RAB7B: variants seen among roughly 807,000 people sequenced by gnomAD.
RAB7B encodes RAB7B, member RAS oncogene family.
At chr1:206,001,946 A>G (rs1660899544) in intron 1 of RAB7B, among the ~76,000 whole-genome samples, 1 of 152,124 alleles carries the variant, frequency 6.6e-6, no homozygotes, top group Non-Finnish European at 1.5e-5. Context: ...TCGCATCTGC[A>G]TTGGGTGGGG....
chr1:205,990,579 T>G (rs1439463261), intron 4 of RAB7B, among the ~76,000 whole-genome samples: 1 of 152,054 alleles, frequency 6.6e-6, no homozygotes, highest in Admixed American at 6.5e-5. Flanking sequence ...TAAATCCCAC[T>G]TAAAGACTGC....
At chr1:206,001,452 G>A (rs886789621) in intron 1 of RAB7B, among the ~76,000 whole-genome samples, 17 of 152,242 alleles carry the variant, frequency 1.1e-4, no homozygotes, top group African/African-American at 4.1e-4. Flanking sequence ...ATAGGAATAA[G>A]TTGTTCATAA....
At chr1:206,002,465 C>G (rs1166589213) in intron 1 of RAB7B, among the ~76,000 whole-genome samples, 1 of 152,226 alleles carries the variant, frequency 6.6e-6, no homozygotes, top group African/African-American at 2.4e-5. Context: ...ATCCACTCAT[C>G]CATCCATCTG....
At chr1:205,992,316 T>C (rs1265199702) in intron 4 of RAB7B, among the ~76,000 whole-genome samples, 164 bp downstream of exon 4, 1 of 152,252 alleles carries the variant, frequency 6.6e-6, no homozygotes, top group Non-Finnish European at 1.5e-5. Context: ...CATTTTATTT[T>C]ATAATTACCT....
At chr1:205,998,835 G>A (rs963492230) in intron 1 of RAB7B, among the ~76,000 whole-genome samples, 7 of 152,132 alleles carry the variant, frequency 4.6e-5, no homozygotes, top group Admixed American at 1.3e-4. Context: ...AGCATATTGT[G>A]ATACATTTAC....
rs1660676485 is a variant in RAB7B at position 205,989,293 on chromosome 1, G to A, written c.396+3187C>T. 2.0e-5 allele frequency among the ~76,000 whole-genome samples: 3 copies of A among 152,216 alleles called. No individual in the cohort carries two copies. The South Asian group carries it at 6.2e-4, about 32-fold the overall frequency. ...ACTCACCACAGATCCCAGAGAGGGGGCTGGCTTGCCTGGTGCCTCATTGCC... is the reference window on the plus strand; with the variant it reads ...ACTCACCACAGATCCCAGAGAGGGGACTGGCTTGCCTGGTGCCTCATTGCC... On this transcript the variant is annotated intron_variant, in intron 4 of 5. Transcript: ENST00000617070.
At chr1:205,985,724 G>C (rs1660581398) in intron 4 of RAB7B, 59 bp from the exon 5 acceptor site, 3 of 36,462 alleles carry the variant, frequency 8.2e-5, no homozygotes, top group Admixed American at 4.5e-4. Context: ...CACCACCATT[G>C]CCACCATCAC....
chr1:205,990,354 T>C (rs1418492920), intron 4 of RAB7B, among the ~76,000 whole-genome samples: 1 of 152,218 alleles, frequency 6.6e-6, no homozygotes, highest in African/African-American at 2.4e-5. Context: ...GAGTCGTTAA[T>C]GTACAACCCC....
intron 1 of RAB7B, 124 bp from the exon 2 acceptor site, chr1:205,994,275 G>A (rs1660773637): frequency 2.5e-6 from 1 of 393,774 alleles, no homozygotes; most frequent in Non-Finnish European, 4.5e-6. Flanking sequence ...GGACTGGGTG[G>A]GGTTCTCCGA....
chr1:205,985,783 C>CCCACCAGGCCCACCATCCCCACCATCT, intron 4 of RAB7B, 118 bp from the exon 5 acceptor site: 1 of 386,026 alleles, frequency 2.6e-6, no homozygotes, highest in Non-Finnish European at 4.6e-6. Context: ...CCCCATCATC[C>CCCACCAGGCCCACCATCCCCACCATCT]CCACCAGGCC....
At chr1:205,992,457 A>G (rs942017854) in intron 4 of RAB7B, 23 bp downstream of exon 4, 1 of 398,692 alleles carries the variant, frequency 2.5e-6, no homozygotes, top group Non-Finnish European at 4.4e-6. Flanking sequence ...TGTTTGTTGA[A>G]TGAATAAATG....
At chr1:206,001,184 G>A (rs1249252759) in intron 1 of RAB7B, among the ~76,000 whole-genome samples, 2 of 152,068 alleles carry the variant, frequency 1.3e-5, no homozygotes, top group Non-Finnish European at 2.9e-5. Flanking sequence ...GTGGGGTGAC[G>A]CAGCCTGGCT....
chr1:205,994,290 G>GGCAC, intron 1 of RAB7B, 139 bp from the exon 2 acceptor site: 1 of 391,396 alleles, frequency 2.6e-6, no homozygotes, highest in Admixed American at 4.4e-5. Flanking sequence ...CTCCGAAGGA[G>GGCAC]GCACGTAATT....
intron 4 of RAB7B, among the ~76,000 whole-genome samples, chr1:205,987,128 C>T (rs1187427910): frequency 6.6e-6 from 1 of 152,090 alleles, no homozygotes; most frequent in Non-Finnish European, 1.5e-5. Flanking sequence ...CTTTTTATAT[C>T]TCCCCCTCCT....
chr1:205,995,327 T>C (rs1460687372), intron 1 of RAB7B, among the ~76,000 whole-genome samples: 1 of 151,946 alleles, frequency 6.6e-6, no homozygotes, highest in Non-Finnish European at 1.5e-5. Flanking sequence ...TTAAATGAGT[T>C]CCCACTTGTA....
intron 4 of RAB7B, among the ~76,000 whole-genome samples, chr1:205,988,593 T>C (rs1660659291): frequency 1.3e-5 from 2 of 152,238 alleles, no homozygotes; most frequent in Non-Finnish European, 2.9e-5. Context: ...TGCTGTATTT[T>C]CCCAGCTGTC....
chr1:205,997,159 A>G (rs941485983), intron 1 of RAB7B, among the ~76,000 whole-genome samples: 2 of 152,176 alleles, frequency 1.3e-5, no homozygotes, highest in Non-Finnish European at 2.9e-5. Flanking sequence ...GGTCTTCTTG[A>G]TGGTTCACAC....
At chr1:205,982,336 CT>C (rs1206267443) in intron 5 of RAB7B, among the ~76,000 whole-genome samples, 1 of 152,180 alleles carries the variant, frequency 6.6e-6, no homozygotes, top group African/African-American at 2.4e-5. Flanking sequence ...TCATCAGCTC[CT>C]GATGTTTCTA....
chr1:205,983,610 T>C (rs1000659264), intron 5 of RAB7B: 3 of 152,206 alleles, frequency 2.0e-5, no homozygotes, highest in African/African-American at 7.2e-5. Context: ...AATAGTCATA[T>C]GTCTTGCCAA....
Sources: gnomAD v4.1 joint callset for allele counts (sites outside exome capture counted in the v4.1 genomes callset) on GRCh38, gnomAD v4.1.1 for gene constraint, MANE v1.5 for transcripts, NCBI Gene and HGNC (gene_info 2026-07-23, HGNC 2026-07-21) for gene names.